Variants in NT5C3A observed in about 807,000 individuals in gnomAD.
NT5C3A encodes 5'-nucleotidase, cytosolic IIIA.
NT5C3A carries 23 observed loss-of-function variants against 40.0 expected under a neutral mutation model. The ratio of observed to expected loss-of-function variants is 0.58; its 90% CI spans 0.41 to 0.81. NT5C3A has a LOEUF of 0.81. NT5C3A is among the 40% of genes least tolerant of loss of function. The pLI is 0.00. For synonymous variants in NT5C3A, 130 were observed against 141.4 expected, an observed-to-expected ratio of 0.92 and a Z score of 0.57; for missense variants, 328 against 403.0, an observed-to-expected ratio of 0.81 and a Z score of 1.59.
chr7:33,021,700 AAG>A, intron 4 of NT5C3A: 1 of 398,184 alleles, frequency 2.5e-6, no homozygotes, highest in East Asian at 5.2e-5. Flanking sequence ...TACTCAAGCG[AAG>A]TACTGAAGCA....
chr7:33,031,027 G>C (rs1205478476), intron 1 of NT5C3A, among the ~76,000 whole-genome samples: 1 of 151,538 alleles, frequency 6.6e-6, no homozygotes, highest in African/African-American at 2.4e-5. Context: ...TGAACCCCGG[G>C]GGGCGGAGCC....
intron 1 of NT5C3A, among the ~76,000 whole-genome samples, chr7:33,034,128 T>C (rs1196183014): frequency 6.6e-6 from 1 of 151,964 alleles, no homozygotes; most frequent in Non-Finnish European, 1.5e-5. Flanking sequence ...CCTGACCTCA[T>C]GATCTGCCCA....
chr7:33,022,076 C>T lies in NT5C3A; in HGVS notation c.331G>A (p.Val111Ile), dbSNP rs984455304. 68 of 1,536,088 alleles carry T rather than the reference C, an allele frequency of 4.4e-5. No individual in the cohort carries two copies. Among genetic ancestry groups the T allele is most frequent in the Non-Finnish European group, 5.6e-5 (62 of 1,110,200 alleles). Reference protein sequence around the residue: ...CHNIIDNCKLVTDECRKKLLQ... With the variant: ...CHNIIDNCKLITDECRKKLLQ... The stretch of plus-strand genomic sequence containing the variant: ...ACCTTTTTTCTACATTCATCTGTAA[C>T]CAGCTTACAGTTGTCAATGATATCT... The change falls in exon 4 of 9, where the codon GTT becomes ATT. Residue 111 changes from valine (V) to isoleucine (I), a missense_variant. Physicochemically the swap from Val to Ile is conservative, Grantham distance 29. Transcript: ENST00000610140.
chr7:33,062,593 C>T lies in NT5C3A; in HGVS notation c.113G>A (p.Gly38Glu), dbSNP rs777795170. Residue 38 changes from glycine to glutamate, a missense_variant, in exon 1 of 9, where the codon GGG (glycine) becomes GAG (glutamate). Around this residue, in one of 3 missense-constraint regions of NT5C3A, gnomAD observed 280 missense variants for 317.2 expected, o/e 0.88. Transcript: ENST00000610140. Reference sequence around the variant, plus strand: ...CATCTCGATGATCTTGGTCTTCCGCCCCGTCTTCCTCTTCAAGGTGAATAT... The same window carrying T: ...CATCTCGATGATCTTGGTCTTCCGCTCCGTCTTCCTCTTCAAGGTGAATAT... ...QYIFTLKRKT[G>E]RKTKIIEMMP... 1 of 1,610,256 alleles carries T rather than the reference C, an allele frequency of 6.2e-7. No individual in the cohort carries two copies. The highest frequency in any genetic ancestry group is 8.5e-7 in the Non-Finnish European group (1 of 1,179,018).
chr7:33,038,900 A>G (rs1433322982), intron 1 of NT5C3A: 1 of 456,462 alleles, frequency 2.2e-6, no homozygotes, highest in East Asian at 6.9e-5. Flanking sequence ...CGTGTTCAAA[A>G]ATAGAAAATA....
At chr7:33,020,932 G>A (rs1785591205) in intron 5 of NT5C3A, among the ~76,000 whole-genome samples, 1 of 152,076 alleles carries the variant, frequency 6.6e-6, no homozygotes, top group Admixed American at 6.5e-5. Context: ...TGCTGGCTCT[G>A]AGTTCAGACT....
chr7:33,062,431 G>T, intron 1 of NT5C3A, 137 bp downstream of exon 1: 1 of 771,986 alleles, frequency 1.3e-6, no homozygotes, highest in Non-Finnish European at 2.1e-6. Flanking sequence ...TCCCGAGCTA[G>T]CGAGATCCCA....
At chr7:33,024,774 A>G (rs1160141131) in intron 2 of NT5C3A, among the ~76,000 whole-genome samples, 3 of 152,228 alleles carry the variant, frequency 2.0e-5, no homozygotes, top group African/African-American at 7.2e-5. Context: ...ATTATTGCAC[A>G]TTTTATATAC....
intron 1 of NT5C3A, among the ~76,000 whole-genome samples, chr7:33,037,549 T>C (rs1786675547): frequency 6.6e-6 from 1 of 152,206 alleles, no homozygotes; most frequent in Non-Finnish European, 1.5e-5. Context: ...ATAGCAGATA[T>C]ATCAAATTTT....
chr7:33,035,024 G>A (rs566306912), intron 1 of NT5C3A, among the ~76,000 whole-genome samples: 10 of 70,052 alleles, frequency 1.4e-4, no homozygotes, highest in East Asian at 6.5e-4. Context: ...ACTCACTAAC[G>A]TAATAGAGTA....
chr7:33,044,708 G>A (rs570819911), intron 1 of NT5C3A, among the ~76,000 whole-genome samples: 3 of 152,200 alleles, frequency 2.0e-5, no homozygotes, highest in Admixed American at 6.5e-5. Context: ...TTATTTCTGA[G>A]TAACTAGTTA....
rs1390106763 is a variant in NT5C3A, at chr7:33,014,368, T to C, written c.*362A>G. On this transcript the variant is annotated 3_prime_UTR_variant, in exon 9 of 9. Transcript: ENST00000610140. ...CAATACTTAAAATCATGCATATTAT[T>C]TCACCATTTCATAAAACTTATTTTA... The C allele has an allele frequency of 2.2e-6, 1 of 455,434 alleles. No individual in the cohort carries two copies. The highest frequency in any genetic ancestry group is 2.0e-5 in the African/African-American group (1 of 50,030). The allele number at this position is 455,434 out of a possible 1,614,324, so 28.2% of individuals were successfully genotyped here. A position where few individuals can be genotyped will look rare whatever the true frequency, so the allele number is the denominator to read the frequency against.
chr7:33,021,165 A>G, intron 5 of NT5C3A, 107 bp downstream of exon 5: 1 of 1,437,730 alleles, frequency 7.0e-7, no homozygotes, highest in South Asian at 1.3e-5. Flanking sequence ...TGCATAATTT[A>G]TTAATCTGTT....
chr7:33,026,271 C>G (rs1785922162), intron 2 of NT5C3A, among the ~76,000 whole-genome samples: 1 of 141,300 alleles, frequency 7.1e-6, no homozygotes, highest in Non-Finnish European at 1.5e-5. Context: ...ATCGCCTGAA[C>G]CCAGGAGGAG....
Position 33,021,945 on chromosome 7 carries a change from G to A in NT5C3A, c.354+108C>T, listed in dbSNP as rs188739739. 5.6e-4 allele frequency: 409 copies of A among 726,638 alleles called. 3 individuals carry two copies. In the African/African-American group the frequency reaches 6.3e-3, roughly 11 times the overall value. 45.0% of individuals were successfully genotyped at this position (726,638 alleles called of 1,614,324 possible). ...TGCTTACTATGTGCCAGGTATGGCT[G>A]TAAGCACTTTACATCCATTCTTACT... On this transcript the variant is annotated intron_variant, in intron 4 of 8. Transcript: ENST00000610140.
chr7:33,055,934 A>C (rs1787551223), intron 1 of NT5C3A, among the ~76,000 whole-genome samples: 1 of 152,084 alleles, frequency 6.6e-6, no homozygotes, highest in Admixed American at 6.5e-5. Flanking sequence ...AACACAGCAA[A>C]GTCTTGTCTC....
chr7:33,041,244 G>A (rs1786899133), intron 1 of NT5C3A: 2 of 518,790 alleles, frequency 3.9e-6, no homozygotes, highest in Admixed American at 6.4e-5. Context: ...CTTCTGATAT[G>A]TGAACTTTTC....
At chr7:33,022,366 A>G (rs1328223246) in intron 3 of NT5C3A, among the ~76,000 whole-genome samples, 2 of 152,230 alleles carry the variant, frequency 1.3e-5, no homozygotes, top group Non-Finnish European at 2.9e-5. Context: ...AGACAATTCA[A>G]TATCTTCAAA....
intron 1 of NT5C3A, among the ~76,000 whole-genome samples, chr7:33,056,259 C>T (rs1787561449): frequency 6.6e-6 from 1 of 151,604 alleles, no homozygotes; most frequent in South Asian, 2.1e-4. Context: ...TTTTACAAAA[C>T]AAATCAAGAA....
Sources: gnomAD v4.1 joint callset for allele counts (sites outside exome capture counted in the v4.1 genomes callset) on GRCh38, gnomAD v4.1.1 for gene constraint, gnomAD v4.1.1 regional missense constraint, MANE v1.5 for transcripts, NCBI Gene and HGNC (gene_info 2026-07-23, HGNC 2026-07-21) for gene names.